The following TRO variants were observed in gnomAD, a reference collection of about 807,000 sequenced individuals.
TRO encodes MAGE superfamily protein.
Under a neutral mutation model 42.3 loss-of-function variants are expected in TRO, and 29 were observed. The observed-to-expected ratio is 0.68, with a 90% CI of 0.51 to 0.93. The LOEUF (loss-of-function observed/expected upper bound fraction) is 0.93, where lower values mean the gene tolerates loss of function less well. Among genes scored for constraint, TRO ranks in the 40% least tolerant of loss-of-function variants. The probability of loss-of-function intolerance (pLI) is 0.00; values close to 1 mark genes in which losing one functional copy is unlikely to be tolerated. For synonymous variants in TRO, 384 were observed against 425.2 expected (o/e 0.90, Z 1.19); for missense variants, 963 against 1,127.7 (o/e 0.85, Z 2.09).
intron 6 of TRO, 27 bp downstream of exon 6, chrX:54,925,095 C>T (rs766780486): frequency 7.7e-6 from 9 of 1,172,856 alleles, no homozygotes; most frequent in Admixed American, 6.7e-5. Flanking sequence ...GGCGGATGGG[C>T]GCAATGGGGA....
At position 54,923,484 on chromosome X, in the gene TRO, G is replaced by A. The variant is rs1932372329; in HGVS notation, c.952G>A (p.Glu318Lys). The A allele has an allele frequency of 8.4e-7, 1 of 1,185,419 alleles. No homozygotes were observed. The highest frequency in any genetic ancestry group is 2.4e-5 in the Admixed American group (1 of 42,058). The part of the protein sequence containing the change: ...RGPNSVSEIS[E>K]APLATQIVTN... Reference sequence around the variant, plus strand: ...CCCAAATTCTGTCTCTGAGATCTCTGAGGCCCCACTTGCCACTCAGATAGT... The same window carrying A: ...CCCAAATTCTGTCTCTGAGATCTCTAAGGCCCCACTTGCCACTCAGATAGT... Residue 318 changes from glutamate (E) to lysine (K), a missense_variant, in exon 3 of 13, where the codon GAG becomes AAG. Glu to Lys is a moderately conservative substitution (Grantham distance 56). Transcript: ENST00000173898.
At chrX:54,926,377 A>G (rs745670218) in intron 7 of TRO, 33 bp from the exon 8 acceptor site, 2 of 1,187,852 alleles carry the variant, frequency 1.7e-6, no homozygotes, top group Non-Finnish European at 2.3e-6. Context: ...CTGTTGAAAC[A>G]TAAACCTTCT....
In TRO at chrX:54,931,353, T is replaced by C. The variant is rs1204209224; in HGVS notation, c.*161T>C. Reference sequence around the variant, plus strand: ...GTGTCATGTGATGGAAAAATCTGTTTGCTGTTCCTGCTTTATTGTTTGCTT... The same window carrying C: ...GTGTCATGTGATGGAAAAATCTGTTCGCTGTTCCTGCTTTATTGTTTGCTT... On this transcript the variant is annotated 3_prime_UTR_variant, in exon 13 of 13. Coordinates refer to ENST00000173898, the MANE Select transcript of TRO (RefSeq NM_001039705.3). 1 of 1,200,383 alleles carries C rather than the reference T, an allele frequency of 8.3e-7. No individual in the cohort carries two copies. Among genetic ancestry groups the C allele is most frequent in the Admixed American group, 2.2e-5 (1 of 45,654 alleles).
At chrX:54,923,791 C>T (rs1422652271) in intron 3 of TRO, 23 bp downstream of exon 3, 1 of 1,158,671 alleles carries the variant, frequency 8.6e-7, no homozygotes, top group Non-Finnish European at 1.2e-6. Flanking sequence ...ACATTGCCAT[C>T]CTTAACTTTG....
rs772194749 is a variant in TRO, at chrX:54,928,949, A to G, written c.2225A>G (p.Asn742Ser). The G allele has an allele frequency of 8.3e-7, 1 of 1,212,039 alleles. No individual in the cohort carries two copies. The highest frequency in any genetic ancestry group is 2.2e-5 in the Admixed American group (1 of 46,060). ...GFSDGASISF[N>S]GAPSSSGGFS... ...AGCGATGGTGCTAGTATTAGCTTCA[A>G]TGGTGCACCCAGCTCCAGTGGTGGC... Residue 742 changes from asparagine (N) to serine (S), a missense_variant, in exon 12 of 13, where the codon AAT becomes AGT. Asn to Ser is a conservative substitution (Grantham distance 46, BLOSUM62 1). Coordinates refer to ENST00000173898, the MANE Select transcript of TRO (RefSeq NM_001039705.3).
In TRO at chrX:54,929,928, C is replaced by G; in HGVS notation, c.3204C>G (p.Ser1068Arg). 1 of 1,210,925 alleles carries G rather than the reference C, an allele frequency of 8.3e-7. No homozygotes were observed. ...GFGGALNTNASFGCAVSTSAS... is the reference protein window; with the variant it reads ...GFGGALNTNARFGCAVSTSAS... ...GTGGTGCACTCAACACCAATGCCAG[C>G]TTTGGCTGTGCCGTCAGCACCAGTG... The change falls in exon 12 of 13, where the codon AGC (serine) becomes AGG (arginine). Residue 1068 changes from serine (S) to arginine (R), a missense_variant. Around this residue, in one of 2 missense-constraint regions of TRO, gnomAD observed 641 missense variants for 811.3 expected, o/e 0.79. Transcript: ENST00000173898.
In TRO at chrX:54,922,800, C is replaced by T. The variant is rs965736575; in HGVS notation, c.268C>T (p.Pro90Ser). ...TKAAPAAPPV[P>S]AANEIATNKP... Reference sequence around the variant, plus strand: ...GGCTGCACCTGCTGCCCCTCCAGTCCCAGCTGCCAATGAGATTGCCACCAA... The same window carrying T: ...GGCTGCACCTGCTGCCCCTCCAGTCTCAGCTGCCAATGAGATTGCCACCAA... Residue 90 changes from proline to serine, a missense_variant, in exon 3 of 13, where the codon CCA (proline) becomes TCA (serine). By Grantham distance (74) the Pro-to-Ser change is moderately conservative (BLOSUM62 -1). Coordinates refer to ENST00000173898, the MANE Select transcript of TRO (RefSeq NM_001039705.3). 6 of 1,207,528 alleles carry T rather than the reference C, an allele frequency of 5.0e-6. No homozygotes were observed. The highest frequency in any genetic ancestry group is 6.7e-6 in the Non-Finnish European group (6 of 893,179).
In TRO at chrX:54,929,683, A is replaced by G. The variant is rs1353013632; in HGVS notation, c.2959A>G (p.Thr987Ala). The change falls in exon 12 of 13, where the codon ACT becomes GCT. Residue 987 changes from threonine to alanine, a missense_variant. Thr to Ala is a moderately conservative substitution (Grantham distance 58). Transcript: ENST00000173898. ...ASFGSVLNTS[T>A]GFGGAMSTSA... ...CTTTGGCAGTGTGCTCAACACCAGT[A>G]CTGGTTTTGGTGGTGCTATGAGCAC... The G allele has an allele frequency of 1.7e-5, 20 of 1,198,643 alleles. No individual in the cohort carries two copies. The highest frequency in any genetic ancestry group is 2.2e-5 in the Non-Finnish European group (20 of 890,967).
At chrX:54,923,852 G>A in intron 3 of TRO, 84 bp downstream of exon 3, 1 of 989,782 alleles carries the variant, frequency 1.0e-6, no homozygotes, top group Non-Finnish European at 1.4e-6. Flanking sequence ...TTCTATAAAA[G>A]TTTTACTTTG....
chrX:54,925,590 A>T lies in TRO; in HGVS notation c.1486-2A>T. ...CTCACAGGCTATTCTTTTACTTGGC[A>T]GATGTTTCGAGTCAATCTGAAAGAA... is the stretch of plus-strand genomic sequence containing the variant. On this transcript the variant is annotated splice_acceptor_variant, in intron 6 of 12. Transcript: ENST00000173898. LOFTEE classifies it high-confidence loss of function. 1 of 1,207,220 alleles carries T rather than the reference A, an allele frequency of 8.3e-7. No individual in the cohort carries two copies. Among genetic ancestry groups the T allele is most frequent in the Non-Finnish European group, 1.1e-6 (1 of 892,282 alleles).
rs1932800891 is a variant in TRO, at chrX:54,927,312, G to A, written c.1763+207G>A. 5 of 502,701 alleles carry A rather than the reference G, an allele frequency of 9.9e-6. No homozygotes were observed. In the Admixed American group the frequency reaches 1.5e-4, roughly 15 times the overall value. The allele number at this position is 502,701 out of a possible 1,213,427, so 41.4% of individuals were successfully genotyped here. On this transcript the variant is annotated intron_variant, in intron 10 of 12. Coordinates refer to ENST00000173898, the MANE Select transcript of TRO (RefSeq NM_001039705.3). ...ACACAAGGCCCTTGCAGTGGGGTGC[G>A]CTCAGAGCAGAGGGCCTTAAGAATG...
chrX:54,928,547 G>A (rs1932851769), intron 11 of TRO, 56 bp from the exon 12 acceptor site: 1 of 1,121,420 alleles, frequency 8.9e-7, no homozygotes, highest in South Asian at 2.2e-5. Context: ...AAGCCCGTAG[G>A]TTAATACATG....
In TRO at chrX:54,923,334, A is replaced by C; in HGVS notation, c.802A>C (p.Ile268Leu). 8.3e-7 allele frequency: 1 copy of C among 1,210,278 alleles called. No individual in the cohort carries two copies. Among genetic ancestry groups the C allele is most frequent in the Non-Finnish European group, 1.1e-6 (1 of 894,645 alleles). The stretch of plus-strand genomic sequence containing the variant: ...AGCCAGGAAGACAATTGCTAAGGTC[A>C]TAAATACTGACACTGAGCATATAGA... ...SKARKTIAKVINTDTEHIEAL... is the reference protein window; with the variant it reads ...SKARKTIAKVLNTDTEHIEAL... Residue 268 changes from isoleucine to leucine, a missense_variant, in exon 3 of 13, where the codon ATA becomes CTA. Coordinates refer to ENST00000173898, the MANE Select transcript of TRO (RefSeq NM_001039705.3).
chrX:54,924,244 C>G (rs937631867), intron 3 of TRO: 1 of 402,775 alleles, frequency 2.5e-6, no homozygotes. Context: ...CCTGGCCTGG[C>G]AGAGGAACGA....
rs751411478 is a variant in TRO, at chrX:54,930,783, C to T, written c.4059C>T (p.Thr1353=). The change falls in exon 12 of 13, where the codon ACC becomes ACT. Residue 1353 remains threonine (T), a synonymous_variant. Coordinates refer to ENST00000173898, the MANE Select transcript of TRO (RefSeq NM_001039705.3). ...CTGGCTTTACTGGCGAACCCAGCAC[C>T]AGCACGGGCTTCAGTAGTGGACCCA... is the stretch of plus-strand genomic sequence containing the variant. The part of the protein sequence containing the change: ...TSTGFTGEPS[T]STGFSSGPSS... 2.5e-6 allele frequency: 3 copies of T among 1,212,295 alleles called. No individual in the cohort carries two copies. Among genetic ancestry groups the T allele is most frequent in the Non-Finnish European group, 3.3e-6 (3 of 895,598 alleles).
intron 10 of TRO, 48 bp downstream of exon 10, chrX:54,927,153 A>G: frequency 1.7e-6 from 2 of 1,176,615 alleles, no homozygotes; most frequent in Non-Finnish European, 1.2e-6. Context: ...TTCTGGGTAT[A>G]CTGATCTGGT....
Position 54,931,004 on chromosome X carries a change from G to C in TRO, c.4280G>C (p.Gly1427Ala), listed in dbSNP as rs747562391. 1.0e-5 allele frequency: 12 copies of C among 1,190,611 alleles called. No homozygotes were observed. The highest frequency in any genetic ancestry group is 7.0e-5 in the African/African-American group (4 of 56,951). The change falls in exon 12 of 13, where the codon GGC becomes GCC. Residue 1427 changes from glycine (G) to alanine (A), a missense_variant. By Grantham distance (60) the Gly-to-Ala change is moderately conservative. This residue lies in a region of TRO where 641 missense variants were observed against 811.3 expected (regional missense o/e 0.79). Coordinates refer to ENST00000173898, the MANE Select transcript of TRO (RefSeq NM_001039705.3). ...GGAGCCGCCAGTCTTGGTGCCTGTG[G>C]CTTCTCGTATGGCTAGTGAGGTTTC... ...GSGAASLGACGFSYG is the reference protein window; with the variant it reads ...GSGAASLGACAFSYG
chrX:54,928,232 A>T (rs769944842), intron 11 of TRO, among the ~76,000 whole-genome samples: 1 of 111,351 alleles, frequency 9.0e-6, no homozygotes, highest in African/African-American at 3.3e-5. Context: ...TCAGGACCCC[A>T]CCCTTATGGC....
At chrX:54,924,780 C>T (rs1569546183) in intron 5 of TRO, 47 bp downstream of exon 5, 19 of 1,153,279 alleles carry the variant, frequency 1.6e-5, no homozygotes, top group South Asian at 3.7e-5. Context: ...CTCCACTCCC[C>T]TCTCCTCCCA....
Sources: allele counts gnomAD v4.1 joint callset (sites outside exome capture counted in the v4.1 genomes callset), GRCh38; gene constraint gnomAD v4.1.1; regional missense constraint gnomAD v4.1.1; transcripts MANE v1.5; gene names NCBI Gene and HGNC (gene_info 2026-07-23, HGNC 2026-07-21).